Variants in USP15 observed in about 807,000 individuals in gnomAD.
USP15 encodes ubiquitin specific peptidase 15.
In USP15, 18 loss-of-function variants were observed where a neutral mutation model predicts 127.1. The ratio of observed to expected loss-of-function variants is 0.14; its 90% CI spans 0.10 to 0.21. USP15 has a LOEUF of 0.21. Ranked by LOEUF, USP15 falls within the 10% of genes least tolerant of loss-of-function variation. USP15 has a pLI of 1.00. For synonymous variants in USP15, 364 were observed against 393.7 expected, an observed-to-expected ratio of 0.92 and a Z score of 0.89; for missense variants, 805 against 1,159.9, an observed-to-expected ratio of 0.69 and a Z score of 4.44.
chr12:62,377,019 T>C (rs943664254), intron 8 of USP15, among the ~76,000 whole-genome samples: 1 of 152,188 alleles, frequency 6.6e-6, no homozygotes, highest in Non-Finnish European at 1.5e-5. Context: ...TTTAATTACC[T>C]TATAAAAATT....
intron 11 of USP15, among the ~76,000 whole-genome samples, chr12:62,388,117 A>ATTTTTTT (rs58192089): frequency 3.3e-4 from 35 of 106,600 alleles, no homozygotes; most frequent in African/African-American, 4.3e-4. Flanking sequence ...AATGGTGAAG[A>ATTTTTTT]TTTTTTTTTT....
rs1319286230 is a variant in USP15 at position 62,406,919 on chromosome 12, C to G, written c.*2544C>G. 1.3e-5 allele frequency: 2 copies of G among 151,652 alleles called. No individual in the cohort carries two copies. The highest frequency in any genetic ancestry group is 2.9e-5 in the Non-Finnish European group (2 of 67,986). 9.4% of individuals were successfully genotyped at this position (151,652 alleles called of 1,614,324 possible). On this transcript the variant is annotated 3_prime_UTR_variant, in exon 22 of 22. Coordinates refer to ENST00000280377, the MANE Select transcript of USP15 (RefSeq NM_001252078.2). ...AGTCAAGGCCGCAGTTAGCCGAAAT[C>G]ACACCCCTGCACTCCAGCCTGTGCA...
At position 62,409,461 on chromosome 12, in the gene USP15, A is replaced by G. The variant is rs2067984235; in HGVS notation, c.*5086A>G. The G allele has an allele frequency of 1.3e-5, 2 of 152,308 alleles. No homozygotes were observed. Among genetic ancestry groups the G allele is most frequent in the African/African-American group, 4.8e-5 (2 of 41,572 alleles). 9.4% of individuals were successfully genotyped at this position (152,308 alleles called of 1,614,324 possible). A position where few individuals can be genotyped will look rare whatever the true frequency, so the allele number is the denominator to read the frequency against. ...GAAAATGTGTAAAATAAGACCACACACTTTCAATATGCACAAAATATATTT... is the reference window on the plus strand; with the variant it reads ...GAAAATGTGTAAAATAAGACCACACGCTTTCAATATGCACAAAATATATTT... On this transcript the variant is annotated 3_prime_UTR_variant, in exon 22 of 22. Coordinates refer to ENST00000280377, the MANE Select transcript of USP15 (RefSeq NM_001252078.2).
rs1357178180 is a variant in USP15 at position 62,411,041 on chromosome 12, A to G, written c.*6666A>G. On this transcript the variant is annotated 3_prime_UTR_variant, in exon 22 of 22. Coordinates refer to ENST00000280377, the MANE Select transcript of USP15 (RefSeq NM_001252078.2). ...TTGATCCAGAGGTTCTCAGCAAGCC[A>G]CACCTGAATTCCTAACCCACAAAAA... 6.6e-6 allele frequency: 1 copy of G among 152,188 alleles called. No homozygotes were observed. Among genetic ancestry groups the G allele is most frequent in the Non-Finnish European group, 1.5e-5 (1 of 68,038 alleles). 9.4% of individuals were successfully genotyped at this position (152,188 alleles called of 1,614,324 possible).
chr12:62,321,911 T>G (rs980093055), intron 5 of USP15, among the ~76,000 whole-genome samples: 2 of 152,240 alleles, frequency 1.3e-5, no homozygotes, highest in Admixed American at 6.5e-5. Flanking sequence ...GGAGCATCTC[T>G]TATTTACACA....
intron 5 of USP15, among the ~76,000 whole-genome samples, chr12:62,323,352 T>A (rs1337868067): frequency 1.3e-5 from 2 of 152,182 alleles, no homozygotes; most frequent in Admixed American, 1.3e-4. Context: ...AAAATTACTG[T>A]TAACATCAAT....
At position 62,325,269 on chromosome 12, in the gene USP15, A is replaced by G. The variant is rs200448433; in HGVS notation, c.622-603A>G. 2.6e-5 allele frequency among the ~76,000 whole-genome samples: 4 copies of G among 152,122 alleles called. No homozygotes were observed. The East Asian group carries it at 7.7e-4, about 29-fold the overall frequency. The stretch of plus-strand genomic sequence containing the variant: ...CTGTCTGCCTCATCCATGCTGTAAC[A>G]GAGAACTTCAGTCTGATTCTCATAA... On this transcript the variant is annotated intron_variant, in intron 5 of 21. Transcript: ENST00000280377.
At chr12:62,375,481 A>T (rs1385967457) in intron 8 of USP15, among the ~76,000 whole-genome samples, 1 of 152,124 alleles carries the variant, frequency 6.6e-6, no homozygotes, top group Non-Finnish European at 1.5e-5. Context: ...CGATATTGTG[A>T]TAGACCCTGA....
chr12:62,415,390 T>G lies in USP15; in HGVS notation c.*11015T>G, dbSNP rs1203912795. Reference sequence around the variant, plus strand: ...TCTACTGACTTAAATGTTAATCTCATCCAAAAACACCCTCATAGATATGCC... The same window carrying G: ...TCTACTGACTTAAATGTTAATCTCAGCCAAAAACACCCTCATAGATATGCC... On this transcript the variant is annotated 3_prime_UTR_variant, in exon 22 of 22. Transcript: ENST00000280377. 1 of 152,208 alleles carries G rather than the reference T, an allele frequency of 6.6e-6. No individual in the cohort carries two copies. The highest frequency in any genetic ancestry group is 1.5e-5 in the Non-Finnish European group (1 of 68,042). The allele number at this position is 152,208 out of a possible 1,614,324, so 9.4% of individuals were successfully genotyped here. A position where few individuals can be genotyped will look rare whatever the true frequency, so the allele number is the denominator to read the frequency against.
intron 1 of USP15, among the ~76,000 whole-genome samples, chr12:62,281,772 TCTC>T (rs1409041593): frequency 1.3e-5 from 2 of 152,180 alleles, no homozygotes; most frequent in Non-Finnish European, 2.9e-5. Context: ...AATGGGAAAG[TCTC>T]CTATCATAAT....
At chr12:62,328,407 T>C in intron 6 of USP15, 7 of 347,962 alleles carry the variant, frequency 2.0e-5, no homozygotes, top group Non-Finnish European at 4.2e-5. Flanking sequence ...GCTTTCTTTG[T>C]AAGTAGATGG....
intron 3 of USP15, among the ~76,000 whole-genome samples, chr12:62,312,691 C>T (rs2064717885): frequency 6.6e-6 from 1 of 151,368 alleles, no homozygotes; most frequent in Non-Finnish European, 1.5e-5. Context: ...TGAATATCCC[C>T]CTTCCGATCT....
chr12:62,346,193 A>G (rs1231813166), intron 6 of USP15, among the ~76,000 whole-genome samples: 4 of 152,240 alleles, frequency 2.6e-5, no homozygotes, highest in African/African-American at 9.6e-5. Flanking sequence ...TGCTTTATGC[A>G]AACTTCCCAG....
chr12:62,375,572 A>T (rs984821278), intron 8 of USP15, among the ~76,000 whole-genome samples: 2 of 152,164 alleles, frequency 1.3e-5, no homozygotes, highest in Admixed American at 1.3e-4. Context: ...GCCCAGAGAA[A>T]GGAATATTCG....
chr12:62,267,836 G>A (rs1333606234), intron 1 of USP15, among the ~76,000 whole-genome samples: 8 of 152,216 alleles, frequency 5.3e-5, no homozygotes, highest in East Asian at 1.9e-4. Flanking sequence ...AGAGCATCAA[G>A]TTCCTTGTTC....
chr12:62,376,028 A>T (rs949186621), intron 8 of USP15, among the ~76,000 whole-genome samples: 1 of 152,068 alleles, frequency 6.6e-6, no homozygotes, highest in African/African-American at 2.4e-5. Context: ...ATCATTACTC[A>T]TGGATCAACT....
At chr12:62,381,247 A>G (rs2066981470) in intron 8 of USP15, among the ~76,000 whole-genome samples, 1 of 152,104 alleles carries the variant, frequency 6.6e-6, no homozygotes, top group Non-Finnish European at 1.5e-5. Flanking sequence ...AAATTAATGC[A>G]GATTTTACAG....
At chr12:62,306,949 A>G (rs1460218542) in intron 3 of USP15, among the ~76,000 whole-genome samples, 1 of 152,146 alleles carries the variant, frequency 6.6e-6, no homozygotes, top group Non-Finnish European at 1.5e-5. Context: ...AATATTAATT[A>G]ATATTAAGGG....
chr12:62,351,944 A>C (rs964673146), intron 7 of USP15, among the ~76,000 whole-genome samples: 1 of 151,820 alleles, frequency 6.6e-6, no homozygotes, highest in African/African-American at 2.4e-5. Context: ...ACTGTTTTAC[A>C]TACAATTTAT....
Sources: allele counts gnomAD v4.1 joint callset (sites outside exome capture counted in the v4.1 genomes callset), GRCh38; gene constraint gnomAD v4.1.1; transcripts MANE v1.5; gene names NCBI Gene and HGNC (gene_info 2026-07-23, HGNC 2026-07-21).